Variants in INSL6 observed in about 807,000 individuals in gnomAD.
The protein encoded by INSL6 is insulin-like peptide INSL6.
A neutral mutation model predicts 9.4 loss-of-function variants in INSL6; 16 were observed. The observed-to-expected ratio is 1.70, with a 90% confidence interval of 1.15 to 2.59. The LOEUF is 2.59. Among genes scored for constraint, INSL6 ranks in the 30% most tolerant of loss-of-function variants. The probability of loss-of-function intolerance (pLI) is 0.00; values close to 1 mark genes in which losing one functional copy is unlikely to be tolerated. For synonymous variants in INSL6, 154 were observed against 96.9 expected (o/e 1.59, Z -3.46); for missense variants, 391 against 257.3 (o/e 1.52, Z -3.56).
At chr9:5,086,717 CTGACTA>C in the INSL6 span, among the ~76,000 whole-genome samples, 1 of 152,180 alleles carries the variant, frequency 6.6e-6, no homozygotes, top group Non-Finnish European at 1.5e-5. Flanking sequence ...ATCTCCCTGT[CTGACTA>C]TAACTTTATA....
intron 2 of INSL6, among the ~76,000 whole-genome samples, chr9:5,138,524 T>C (rs1420786306): frequency 2.6e-5 from 4 of 151,036 alleles, no homozygotes; most frequent in African/African-American, 7.3e-5. Context: ...TAAGTGGGAG[T>C]TGAACAATAA....
rs138276944 is a variant in INSL6 at position 5,136,231 on chromosome 9, A to G, written c.377-2639T>C. ...TACCATTCCTTCTGAAAGTATTCCA[A>G]ACAATTGAAAAAGAGGGAATCCTCC... On this transcript the variant is annotated intron_variant, in intron 2 of 3. Coordinates refer to the INSL6 transcript ENST00000649639. 4.7e-3 allele frequency among the ~76,000 whole-genome samples: 713 copies of G among 152,328 alleles called. 9 individuals carry two copies. The highest frequency in any genetic ancestry group is 0.016 in the African/African-American group (679 of 41,556).
At chr9:5,147,439 T>C (rs1241045620) in intron 2 of INSL6, among the ~76,000 whole-genome samples, 1 of 152,214 alleles carries the variant, frequency 6.6e-6, no homozygotes, top group African/African-American at 2.4e-5. Context: ...GAACTTTCAG[T>C]TGCCCCTGGA....
the INSL6 span, among the ~76,000 whole-genome samples, chr9:4,997,326 T>TA: frequency 2.6e-5 from 4 of 152,166 alleles, no homozygotes; most frequent in African/African-American, 9.7e-5. Flanking sequence ...TCTGCAGGCT[T>TA]ACAAGCATGG....
At chr9:5,087,182 A>G in the INSL6 span, among the ~76,000 whole-genome samples, 5 of 152,338 alleles carry the variant, frequency 3.3e-5, no homozygotes, top group East Asian at 9.6e-4. Flanking sequence ...TATAAAGGAA[A>G]GAGGTTTAAT....
the INSL6 span, among the ~76,000 whole-genome samples, chr9:5,061,026 C>T: frequency 6.6e-6 from 1 of 152,186 alleles, no homozygotes; most frequent in South Asian, 2.1e-4. Flanking sequence ...GAGAGTAATA[C>T]TTTGAAAGCA....
chr9:5,058,075 GTTCA>G, the INSL6 span, among the ~76,000 whole-genome samples: 2 of 151,982 alleles, frequency 1.3e-5, no homozygotes, highest in African/African-American at 4.8e-5. Context: ...TACCACATTT[GTTCA>G]TTCATCCATC....
At chr9:5,149,844 T>C (rs1287143405) in intron 2 of INSL6, among the ~76,000 whole-genome samples, 1 of 152,132 alleles carries the variant, frequency 6.6e-6, no homozygotes, top group East Asian at 1.9e-4. Flanking sequence ...TGACTTCAAA[T>C]TATATTACAA....
chr9:5,051,451 A>G, the INSL6 span, among the ~76,000 whole-genome samples: 1 of 152,118 alleles, frequency 6.6e-6, no homozygotes, highest in Non-Finnish European at 1.5e-5. Flanking sequence ...GTTAAAATCA[A>G]AGATTTCTGG....
chr9:5,182,507 G>A (rs1825479913), intron 1 of INSL6, among the ~76,000 whole-genome samples: 1 of 152,104 alleles, frequency 6.6e-6, no homozygotes, highest in South Asian at 2.1e-4. Flanking sequence ...CATGAGGGTA[G>A]GAGCCTTCAC....
chr9:5,134,530 C>CCAACATT (rs1824353436), intron 2 of INSL6, among the ~76,000 whole-genome samples: 1 of 152,116 alleles, frequency 6.6e-6, no homozygotes, highest in Admixed American at 6.6e-5. Context: ...AGAGTGGGGG[C>CCAACATT]CAACATTCAA....
At chr9:5,073,681 CTTTT>C in the INSL6 span, 3 of 1,425,798 alleles carry the variant, frequency 2.1e-6, no homozygotes, top group South Asian at 3.7e-5. Context: ...ATTCTTTGTA[CTTTT>C]TTTTTTCCTT....
At chr9:5,144,746 T>G (rs1239381958) in intron 2 of INSL6, among the ~76,000 whole-genome samples, 2 of 152,228 alleles carry the variant, frequency 1.3e-5, no homozygotes, top group African/African-American at 4.8e-5. Context: ...TCTTTTTAAA[T>G]CTTTGTTGGT....
intron 2 of INSL6, among the ~76,000 whole-genome samples, chr9:5,138,982 G>C (rs1294610284): frequency 6.6e-6 from 1 of 151,908 alleles, no homozygotes; most frequent in Non-Finnish European, 1.5e-5. Context: ...AACATTTCTT[G>C]GTTGTTCAAG....
chr9:5,090,445 G>T, the INSL6 span: 1 of 1,544,050 alleles, frequency 6.5e-7, no homozygotes, highest in South Asian at 1.3e-5. Context: ...TATGTTAAAA[G>T]GTCGGCGTAA....
intron 2 of INSL6, among the ~76,000 whole-genome samples, chr9:5,155,176 G>T (rs1824790862): frequency 6.6e-6 from 1 of 151,730 alleles, no homozygotes; most frequent in Non-Finnish European, 1.5e-5. Flanking sequence ...TCCTTTGTAG[G>T]GACATGGATG....
chr9:5,011,326 C>T, the INSL6 span, among the ~76,000 whole-genome samples: 84 of 152,164 alleles, frequency 5.5e-4, 1 homozygote, highest in Middle Eastern at 0.014. Context: ...GCTGGGACTA[C>T]GGGCACAGAG....
At position 5,164,243 on chromosome 9, in the gene INSL6, T is replaced by C. The variant is rs376763958; in HGVS notation, c.312A>G (p.Ala104=). The C allele has an allele frequency of 1.9e-6, 3 of 1,606,100 alleles. No homozygotes were observed. Among genetic ancestry groups the C allele is most frequent in the South Asian group, 2.2e-5 (2 of 89,312 alleles). The part of the protein sequence containing the change: ...TNPVSTSWEE[A]VNSWEMQSLP... ...GTGACTGCATTTCCCAACTGTTTAC[T>C]GCTTCTTCCCAAGAAGTAGACACTG... Residue 104 remains alanine, a synonymous_variant, in exon 2 of 2, where the codon GCA becomes GCG. Coordinates refer to ENST00000381641, the MANE Select transcript of INSL6 (RefSeq NM_007179.3).
the INSL6 span, chr9:5,029,889 T>G: frequency 6.2e-7 from 1 of 1,610,024 alleles, no homozygotes; most frequent in East Asian, 2.2e-5. Flanking sequence ...CCAGGCATAA[T>G]GTACTCTACA....
Sources: gnomAD v4.1 joint callset for allele counts (sites outside exome capture counted in the v4.1 genomes callset) on GRCh38, gnomAD v4.1.1 for gene constraint, MANE v1.5 for transcripts, NCBI Gene and HGNC (gene_info 2026-07-23, HGNC 2026-07-21) for gene names.